Variants in XPNPEP1 observed in about 807,000 individuals in gnomAD.
XPNPEP1 encodes xaa-Pro aminopeptidase 1.
XPNPEP1 carries 39 observed loss-of-function variants against 92.4 expected under a neutral mutation model. That is an observed-to-expected ratio of 0.42 (90% confidence interval 0.33 to 0.55). The LOEUF is 0.55. Among genes scored for constraint, XPNPEP1 ranks in the 20% least tolerant of loss-of-function variants. XPNPEP1 has a pLI of 0.08. For missense variants in XPNPEP1, 654 were observed against 856.1 expected (o/e 0.76, Z 2.95); for synonymous variants, 307 against 299.4 (o/e 1.03, Z -0.26).
At chr10:109,869,100 A>T (rs1847302998) in intron 19 of XPNPEP1, among the ~76,000 whole-genome samples, 1 of 152,162 alleles carries the variant, frequency 6.6e-6, no homozygotes, top group South Asian at 2.1e-4. Context: ...ATAACAGTCA[A>T]CTGTGTGGTC....
chr10:109,874,100 T>C (rs964017121), intron 15 of XPNPEP1, among the ~76,000 whole-genome samples: 1 of 152,194 alleles, frequency 6.6e-6, no homozygotes, highest in Admixed American at 6.5e-5. Context: ...ATTAATTGTA[T>C]ATTTTAAGTG....
Position 109,923,449 on chromosome 10 carries a change from C to T in XPNPEP1, c.-16G>A. ...AGGCTGCCATTCGGCGGTGACGTGC[C>T]CCAGCCCACGTCAGGGGAGCGCAGA... On this transcript the variant is annotated 5_prime_UTR_variant, in exon 1 of 21. Coordinates refer to ENST00000502935, the MANE Select transcript of XPNPEP1 (RefSeq NM_020383.4). 7.0e-7 allele frequency: 1 copy of T among 1,431,440 alleles called. No individual in the cohort carries two copies. Among genetic ancestry groups the T allele is most frequent in the Non-Finnish European group, 9.2e-7 (1 of 1,090,800 alleles). 88.7% of individuals were successfully genotyped at this position (1,431,440 alleles called of 1,614,324 possible).
rs1847056159 is a variant in XPNPEP1 at position 109,865,043 on chromosome 10, A to C, written c.*141T>G. On this transcript the variant is annotated 3_prime_UTR_variant, in exon 21 of 21. Coordinates refer to ENST00000502935, the MANE Select transcript of XPNPEP1 (RefSeq NM_020383.4). ...CAATAAAATATCAAAGAGGATAAGA[A>C]GATTTTCTGTTCTTCTTAAAGTCTA... The C allele has an allele frequency of 1.7e-6, 2 of 1,205,978 alleles. No individual in the cohort carries two copies. Among genetic ancestry groups the C allele is most frequent in the Admixed American group, 4.6e-5 (2 of 43,718 alleles). 74.7% of individuals were successfully genotyped at this position (1,205,978 alleles called of 1,614,324 possible).
At chr10:109,912,239 C>A (rs1849917706) in intron 2 of XPNPEP1, among the ~76,000 whole-genome samples, 1 of 152,226 alleles carries the variant, frequency 6.6e-6, no homozygotes, top group Non-Finnish European at 1.5e-5. Flanking sequence ...CTTCCTCATC[C>A]TTCAGGCCGA....
intron 3 of XPNPEP1, among the ~76,000 whole-genome samples, chr10:109,906,924 C>G (rs931686775): frequency 8.5e-5 from 13 of 152,170 alleles, no homozygotes; most frequent in African/African-American, 1.7e-4. Flanking sequence ...CTTCCACAGC[C>G]TTCTGTCCAG....
chr10:109,877,682 C>T, intron 14 of XPNPEP1, 108 bp downstream of exon 14: 1 of 1,290,386 alleles, frequency 7.7e-7, no homozygotes, highest in Non-Finnish European at 1.1e-6. Flanking sequence ...TCTCAACAGA[C>T]AGATGAAGGT....
In XPNPEP1 at chr10:109,882,453, A is replaced by G; in HGVS notation, c.1020T>C (p.Ala340=). The G allele has an allele frequency of 6.2e-7, 1 of 1,613,994 alleles. No individual in the cohort carries two copies. The highest frequency in any genetic ancestry group is 8.5e-7 in the Non-Finnish European group (1 of 1,179,858). Residue 340 remains alanine, a synonymous_variant, in exon 10 of 21, where the codon GCT becomes GCC. Transcript: ENST00000502935. ...CAACCTTGGGGATGGTCTCGCTCAC[A>G]GCATAGCTGGCCTTGTCACTGACCC... The part of the protein sequence containing the change: ...KVWVSDKASY[A]VSETIPKDHR...
At chr10:109,897,054 T>G (rs1177602169) in intron 3 of XPNPEP1, among the ~76,000 whole-genome samples, 1 of 152,228 alleles carries the variant, frequency 6.6e-6, no homozygotes, top group Non-Finnish European at 1.5e-5. Context: ...CAAATTCAAA[T>G]ACCTCAGGGT....
chr10:109,909,134 G>A (rs1849719958), intron 2 of XPNPEP1, among the ~76,000 whole-genome samples: 1 of 152,172 alleles, frequency 6.6e-6, no homozygotes, highest in Non-Finnish European at 1.5e-5. Flanking sequence ...AGCCAGGCGT[G>A]GTGGCGGGTG....
intron 12 of XPNPEP1, among the ~76,000 whole-genome samples, chr10:109,879,930 T>C (rs1242890997): frequency 6.6e-6 from 1 of 152,230 alleles, no homozygotes; most frequent in Non-Finnish European, 1.5e-5. Context: ...TTCCACTTAG[T>C]TATGATTCCC....
At chr10:109,865,389 G>GC in intron 20 of XPNPEP1, 77 bp from the exon 21 acceptor site, 2 of 1,575,138 alleles carry the variant, frequency 1.3e-6, no homozygotes, top group South Asian at 1.1e-5. Flanking sequence ...AACAGCAAAG[G>GC]CCCCCATGTG....
At position 109,870,814 on chromosome 10, in the gene XPNPEP1, A is replaced by C. The variant is rs752661520; in HGVS notation, c.1613T>G (p.Leu538Trp). ...HGTGHGVGSFLNVHEGPCGIS... is the reference protein window; with the variant it reads ...HGTGHGVGSFWNVHEGPCGIS... ...GCCGCAAGGACCCTCATGGACATTC[A>C]AAAAAGACCCAACACCATGTCCAGT... Residue 538 changes from leucine to tryptophan, a missense_variant, in exon 18 of 21, where the codon TTG (leucine) becomes TGG (tryptophan). Leu to Trp is a moderately conservative substitution (Grantham distance 61, BLOSUM62 -2). Coordinates refer to ENST00000502935, the MANE Select transcript of XPNPEP1 (RefSeq NM_020383.4). 1 of 1,614,174 alleles carries C rather than the reference A, an allele frequency of 6.2e-7. No homozygotes were observed. The highest frequency in any genetic ancestry group is 8.5e-7 in the Non-Finnish European group (1 of 1,180,028).
At chr10:109,912,296 T>C (rs1232198919) in intron 2 of XPNPEP1, among the ~76,000 whole-genome samples, 1 of 152,220 alleles carries the variant, frequency 6.6e-6, no homozygotes, top group African/African-American at 2.4e-5. Flanking sequence ...TTATCATCAA[T>C]ATTAGACATG....
chr10:109,910,140 C>T (rs1035086369), intron 2 of XPNPEP1, among the ~76,000 whole-genome samples: 3 of 152,148 alleles, frequency 2.0e-5, no homozygotes, highest in African/African-American at 4.8e-5. Context: ...TCCTCTAACC[C>T]GACAATAACT....
intron 11 of XPNPEP1, 38 bp from the exon 12 acceptor site, chr10:109,880,276 GA>G (rs764801028): frequency 3.4e-5 from 55 of 1,607,470 alleles, no homozygotes; most frequent in Non-Finnish European, 4.7e-5. Context: ...AGTTATCACT[GA>G]AAATCACGTG....
intron 3 of XPNPEP1, among the ~76,000 whole-genome samples, chr10:109,906,989 A>G (rs965626888): frequency 2.0e-5 from 3 of 152,176 alleles, no homozygotes; most frequent in African/African-American, 7.2e-5. Flanking sequence ...ATGTGCATGT[A>G]CATCTAAACT....
Position 109,884,072 on chromosome 10 carries a change from C to A in XPNPEP1, c.825G>T (p.Thr275=), listed in dbSNP as rs758851966. 6.2e-7 allele frequency: 1 copy of A among 1,613,126 alleles called. No homozygotes were observed. The highest frequency in any genetic ancestry group is 1.7e-5 in the Admixed American group (1 of 59,868). The stretch of plus-strand genomic sequence containing the variant: ...GATGCAGGGCAAACACTCACATGAT[C>A]GTCTCTAGTCCTATGATTGCGTAGG... The part of the protein sequence containing the change: ...FFSYAIIGLE[T]IMLFIDGDRI... The change falls in exon 9 of 21, where the codon ACG becomes ACT. Residue 275 remains threonine, a synonymous_variant. Transcript: ENST00000502935.
In XPNPEP1 at chr10:109,914,981, T is replaced by C. The variant is rs1275398334; in HGVS notation, c.121+30A>G. On this transcript the variant is annotated intron_variant, in intron 2 of 20. Coordinates refer to ENST00000502935, the MANE Select transcript of XPNPEP1 (RefSeq NM_020383.4). Reference sequence around the variant, plus strand: ...GGAGATCTAAAATCCTTTACAGATGTTCCATCTAATTTCCAGACAAAATTA... The same window carrying C: ...GGAGATCTAAAATCCTTTACAGATGCTCCATCTAATTTCCAGACAAAATTA... 4 of 1,433,840 alleles carry C rather than the reference T, an allele frequency of 2.8e-6. No individual in the cohort carries two copies. In the South Asian group the frequency reaches 5.2e-5, roughly 19 times the overall value. 88.8% of individuals were successfully genotyped at this position (1,433,840 alleles called of 1,614,324 possible).
intron 3 of XPNPEP1, among the ~76,000 whole-genome samples, chr10:109,903,596 A>G (rs1849400871): frequency 6.6e-6 from 1 of 152,236 alleles, no homozygotes; most frequent in African/African-American, 2.4e-5. Flanking sequence ...CATGAAGCCC[A>G]CATCCAAAGG....
Sources: gnomAD v4.1 joint callset for allele counts (sites outside exome capture counted in the v4.1 genomes callset) on GRCh38, gnomAD v4.1.1 for gene constraint, MANE v1.5 for transcripts, NCBI Gene and HGNC (gene_info 2026-07-23, HGNC 2026-07-21) for gene names.